The following MCTP2 variants were observed in gnomAD, a reference collection of about 807,000 sequenced individuals.
MCTP2 encodes the protein multiple C2 and transmembrane domain-containing protein 2.
In MCTP2, 132 loss-of-function variants were observed where a neutral mutation model predicts 111.6. That is an observed-to-expected ratio of 1.18 (90% CI 1.03 to 1.37). The LOEUF is 1.37. MCTP2 is among the 40% of genes most tolerant of loss of function. MCTP2 has a pLI of 0.00. For synonymous variants in MCTP2, 395 were observed against 387.7 expected, an observed-to-expected ratio of 1.02 and a Z score of -0.22; for missense variants, 1,183 against 1,067.9, an observed-to-expected ratio of 1.11 and a Z score of -1.50.
chr15:94,470,211 A>G (rs145843689), intron 20 of MCTP2, 122 bp from the exon 21 acceptor site: 1 of 702,902 alleles, frequency 1.4e-6, no homozygotes, highest in African/African-American at 1.8e-5. Context: ...TTTTAACAAA[A>G]TTTTTCCAAT....
intron 21 of MCTP2, 29 bp downstream of exon 21, chr15:94,470,471 A>G (rs371083193): frequency 4.3e-5 from 60 of 1,396,954 alleles, no homozygotes; most frequent in Non-Finnish European, 6.0e-5. Context: ...TTTTGCTAGC[A>G]ATCAATTCCA....
intron 21 of MCTP2, among the ~76,000 whole-genome samples, chr15:94,473,069 T>C (rs1283070075): frequency 8.8e-6 from 1 of 113,822 alleles, no homozygotes; most frequent in East Asian, 2.4e-4. Context: ...TGTTTTTAAT[T>C]TTTTGAAAAA....
intron 20 of MCTP2, among the ~76,000 whole-genome samples, chr15:94,463,977 G>T (rs2085368717): frequency 6.6e-6 from 1 of 151,416 alleles, no homozygotes; most frequent in Non-Finnish European, 1.5e-5. Flanking sequence ...TTATTTACTT[G>T]TTTTTGCTTA....
intron 20 of MCTP2, among the ~76,000 whole-genome samples, chr15:94,461,992 A>G (rs1342106957): frequency 6.6e-6 from 1 of 152,196 alleles, no homozygotes; most frequent in Non-Finnish European, 1.5e-5. Context: ...AGAACCATGC[A>G]TATGTGAAGG....
intron 17 of MCTP2, among the ~76,000 whole-genome samples, chr15:94,404,389 C>T (rs1483016757): frequency 6.6e-6 from 1 of 150,910 alleles, no homozygotes; most frequent in East Asian, 1.9e-4. Flanking sequence ...GCAACCCCTG[C>T]CTCCCGGGTT....
At chr15:94,444,026 A>T (rs2083979176) in intron 19 of MCTP2, among the ~76,000 whole-genome samples, 1 of 147,576 alleles carries the variant, frequency 6.8e-6, no homozygotes, top group Non-Finnish European at 1.5e-5. Flanking sequence ...TAGTGAAATT[A>T]TTTTAAACCT....
intron 1 of MCTP2, among the ~76,000 whole-genome samples, chr15:94,262,597 A>T (rs1222904838): frequency 6.6e-6 from 1 of 152,186 alleles, no homozygotes; most frequent in Non-Finnish European, 1.5e-5. Context: ...TGTTATATTA[A>T]TGGTGAAATA....
At chr15:94,331,811 G>C (rs927233669) in intron 4 of MCTP2, among the ~76,000 whole-genome samples, 1 of 152,198 alleles carries the variant, frequency 6.6e-6, no homozygotes, top group South Asian at 2.1e-4. Context: ...TTAGAGGAAG[G>C]AAGTCAATTG....
intron 1 of MCTP2, among the ~76,000 whole-genome samples, chr15:94,232,603 C>T (rs369419383): frequency 1.3e-5 from 2 of 152,122 alleles, no homozygotes; most frequent in East Asian, 3.9e-4. Context: ...ACGGGCAGAC[C>T]TCTGAGAGCC....
intron 1 of MCTP2, among the ~76,000 whole-genome samples, chr15:94,294,775 C>A (rs1404364609): frequency 6.6e-6 from 1 of 152,112 alleles, no homozygotes; most frequent in Non-Finnish European, 1.5e-5. Context: ...AAGCCTCTCC[C>A]CTAGGATTCC....
chr15:94,420,319 A>G (rs1272023341), intron 17 of MCTP2, among the ~76,000 whole-genome samples: 3 of 152,188 alleles, frequency 2.0e-5, no homozygotes, highest in African/African-American at 7.2e-5. Context: ...GCCTGCTAAC[A>G]TAACATCCAT....
intron 17 of MCTP2, among the ~76,000 whole-genome samples, chr15:94,417,092 C>A (rs1460931584): frequency 6.6e-6 from 1 of 152,112 alleles, no homozygotes; most frequent in Non-Finnish European, 1.5e-5. Context: ...ATGGTTTAGA[C>A]ATCTCCTGGC....
At chr15:94,359,732 T>G (rs2078820727) in intron 10 of MCTP2, among the ~76,000 whole-genome samples, 1 of 152,194 alleles carries the variant, frequency 6.6e-6, no homozygotes, top group African/African-American at 2.4e-5. Flanking sequence ...AGTGAAATTT[T>G]TTTTCATCAG....
chr15:94,403,018 G>A (rs2081681567), intron 17 of MCTP2: 1 of 997,624 alleles, frequency 1.0e-6, no homozygotes, highest in Non-Finnish European at 1.2e-6. Flanking sequence ...ATTAGCCCAA[G>A]AAGCCAATGG....
chr15:94,254,576 A>G (rs12902953), intron 1 of MCTP2, among the ~76,000 whole-genome samples: 65,177 of 152,036 alleles, frequency 0.43, 14,342 homozygotes, highest in Middle Eastern at 0.57. Context: ...TAAATTATCC[A>G]CTTCATTTGG....
intron 14 of MCTP2, among the ~76,000 whole-genome samples, chr15:94,390,131 T>TATAC (rs2080867339): frequency 1.4e-5 from 1 of 69,624 alleles, no homozygotes; most frequent in African/African-American, 4.1e-5. Flanking sequence ...TATATATATA[T>TATAC]ACTTAGATGT....
At chr15:94,383,914 TG>T in intron 12 of MCTP2, 107 bp from the exon 13 acceptor site, 1 of 771,534 alleles carries the variant, frequency 1.3e-6, no homozygotes. Flanking sequence ...AAAGCAGTCT[TG>T]CCTTCCCTCT....
At chr15:94,308,797 A>G (rs1321808694) in intron 2 of MCTP2, among the ~76,000 whole-genome samples, 6 of 152,342 alleles carry the variant, frequency 3.9e-5, no homozygotes, top group South Asian at 4.1e-4. Context: ...GACATTGGCC[A>G]TAGACAACAC....
At position 94,398,994 on chromosome 15, in the gene MCTP2, A is replaced by G. The variant is rs1230715464; in HGVS notation, c.1822A>G (p.Lys608Glu). ...RDGQPNCYVL[K>E]NKDLEQAFKG... ...TGGACAACCGAATTGTTATGTACTA[A>G]AGAATAAAGATTTAGAACAAGCTTT... The change falls in exon 15 of 23, where the codon AAG (lysine) becomes GAG (glutamate). Residue 608 changes from lysine (K) to glutamate (E), a missense_variant. Coordinates refer to ENST00000357742, the MANE Select transcript of MCTP2 (RefSeq NM_001385001.1). The G allele has an allele frequency of 1.9e-6, 3 of 1,562,574 alleles. No homozygotes were observed. The highest frequency in any genetic ancestry group is 2.6e-6 in the Non-Finnish European group (3 of 1,133,552).
Sources: allele counts gnomAD v4.1 joint callset (sites outside exome capture counted in the v4.1 genomes callset), GRCh38; gene constraint gnomAD v4.1.1; transcripts MANE v1.5; gene names NCBI Gene and HGNC (gene_info 2026-07-23, HGNC 2026-07-21).